Variants in KDM2B observed in about 807,000 individuals in gnomAD.
The protein encoded by KDM2B is lysine-specific demethylase 2B.
KDM2B carries 26 observed loss-of-function variants against 150.0 expected under a neutral mutation model. That is an observed-to-expected ratio of 0.17 (90% confidence interval 0.13 to 0.24). The LOEUF (loss-of-function observed/expected upper bound fraction) is 0.24. KDM2B is among the 10% of genes least tolerant of loss of function. The pLI, the probability that KDM2B is intolerant of heterozygous loss-of-function variation, is 1.00. For synonymous variants in KDM2B, 734 were observed against 729.5 expected, an observed-to-expected ratio of 1.01 and a Z score of -0.10; for missense variants, 1,265 against 1,816.9, an observed-to-expected ratio of 0.70 and a Z score of 5.52.
At chr12:121,563,021 A>G (rs567924931) in intron 4 of KDM2B, among the ~76,000 whole-genome samples, 9 of 152,352 alleles carry the variant, frequency 5.9e-5, no homozygotes, top group Non-Finnish European at 1.3e-4. Context: ...AATCCGATAA[A>G]GACATAATAT....
chr12:121,474,823 A>C (rs370734258), intron 12 of KDM2B, among the ~76,000 whole-genome samples: 24 of 152,260 alleles, frequency 1.6e-4, no homozygotes, highest in African/African-American at 5.8e-4. Flanking sequence ...GTGGTGGTGC[A>C]CATCTGCAGT....
chr12:121,498,296 G>A (rs1168431298), intron 11 of KDM2B, among the ~76,000 whole-genome samples: 1 of 152,016 alleles, frequency 6.6e-6, no homozygotes, highest in Non-Finnish European at 1.5e-5. Flanking sequence ...CAAACTCTAG[G>A]ATTGGGTAAC....
intron 12 of KDM2B, among the ~76,000 whole-genome samples, chr12:121,485,498 C>T (rs538943893): frequency 3.0e-4 from 45 of 152,224 alleles, no homozygotes; most frequent in African/African-American, 1.0e-3. Context: ...ACAGTCACTA[C>T]GCTAAACTGA....
chr12:121,541,443 G>A (rs1375251967), intron 6 of KDM2B, among the ~76,000 whole-genome samples: 2 of 142,134 alleles, frequency 1.4e-5, no homozygotes, highest in Non-Finnish European at 3.1e-5. Flanking sequence ...AGGAGGGAGG[G>A]AGGGAGGGAG....
chr12:121,568,819 GTTT>G (rs1192101508), intron 4 of KDM2B, among the ~76,000 whole-genome samples: 3 of 149,072 alleles, frequency 2.0e-5, no homozygotes, highest in Admixed American at 6.7e-5. Flanking sequence ...AATGAATGGG[GTTT>G]TTTTAAGGGT....
At chr12:121,433,299 T>G in intron 22 of KDM2B, 1 of 423,798 alleles carries the variant, frequency 2.4e-6, no homozygotes, top group South Asian at 1.7e-5. Flanking sequence ...CTGACAGATG[T>G]TTCCTGCTGG....
chr12:121,434,519 A>G (rs1303027217), intron 22 of KDM2B, among the ~76,000 whole-genome samples: 1 of 151,956 alleles, frequency 6.6e-6, no homozygotes, highest in African/African-American at 2.4e-5. Context: ...AAAAAAAAAA[A>G]AAGAATCAGG....
At chr12:121,503,738 G>T (rs1235496149) in intron 11 of KDM2B, among the ~76,000 whole-genome samples, 1 of 152,240 alleles carries the variant, frequency 6.6e-6, no homozygotes, top group African/African-American at 2.4e-5. Flanking sequence ...ACCTTTAGCT[G>T]CAACCTATGT....
chr12:121,462,781 CGCGCCCG>C (rs1879283907), intron 12 of KDM2B, among the ~76,000 whole-genome samples: 1 of 152,016 alleles, frequency 6.6e-6, no homozygotes, highest in Non-Finnish European at 1.5e-5. Flanking sequence ...CGTGAGCCAC[CGCGCCCG>C]GCTGGCAAAA....
rs1306118528 is a variant in KDM2B at position 121,537,891 on chromosome 12, G to A, written c.684-3301C>T. Among the ~76,000 whole-genome samples, 2 of 151,410 alleles carry A rather than the reference G, an allele frequency of 1.3e-5. No individual in the cohort carries two copies. The highest frequency in any genetic ancestry group is 6.6e-5 in the Admixed American group (1 of 15,198). On this transcript the variant is annotated intron_variant, in intron 6 of 22. Coordinates refer to ENST00000377071, the MANE Select transcript of KDM2B (RefSeq NM_032590.5). This position sits in a 1 kb window ranked among gnomAD's most constrained non-coding sequence, Gnocchi z 8.7. ...AGCGCCACAAAGGAGGGGGCGCCCG[G>A]GCAGCGCGGCCCGCGGTTACCCTCG...
chr12:121,581,324 G>C (rs1032482761), upstream of KDM2B: 1 of 165,318 alleles, frequency 6.0e-6, no homozygotes, highest in Non-Finnish European at 1.3e-5. Flanking sequence ...GGTGCTCTGG[G>C]ATAGGTGGGG....
At chr12:121,559,041 C>A (rs782518554) in intron 4 of KDM2B, among the ~76,000 whole-genome samples, 7 of 152,198 alleles carry the variant, frequency 4.6e-5, no homozygotes, top group Non-Finnish European at 8.8e-5. Flanking sequence ...CAGGCCAGGG[C>A]CAAGCCAGGG....
At chr12:121,414,593 T>C in the KDM2B span, among the ~76,000 whole-genome samples, 3 of 152,210 alleles carry the variant, frequency 2.0e-5, no homozygotes, top group Non-Finnish European at 4.4e-5. Flanking sequence ...CCTTGGAAGG[T>C]CATGATGGTT....
downstream of KDM2B, chr12:121,424,459 C>G (rs1872410352): frequency 6.6e-6 from 1 of 152,196 alleles, no homozygotes; most frequent in African/African-American, 2.4e-5. Flanking sequence ...GGGCCGGGTG[C>G]GGTGGCTCAC....
At chr12:121,443,954 C>T (rs1454665381) in intron 16 of KDM2B, 58 bp downstream of exon 16, 9 of 1,558,144 alleles carry the variant, frequency 5.8e-6, no homozygotes, top group Middle Eastern at 1.9e-4. Flanking sequence ...CCCTCCAACC[C>T]AGCACCCGGG....
chr12:121,535,892 G>A (rs1888048506), intron 6 of KDM2B: 1 of 195,292 alleles, frequency 5.1e-6, no homozygotes, highest in Non-Finnish European at 9.3e-6. Flanking sequence ...ACGGTGCCAG[G>A]GACCCCTCCC....
chr12:121,435,124 A>G (rs1873777671), intron 22 of KDM2B, among the ~76,000 whole-genome samples: 1 of 151,706 alleles, frequency 6.6e-6, no homozygotes, highest in East Asian at 1.9e-4. Flanking sequence ...ACTTGAGCCC[A>G]GGGGTTTGAG....
chr12:121,456,033 GC>G (rs1878182291), intron 12 of KDM2B, among the ~76,000 whole-genome samples: 1 of 152,226 alleles, frequency 6.6e-6, no homozygotes, highest in Non-Finnish European at 1.5e-5. Context: ...CCATCTGCGG[GC>G]ACCGTGGCCA....
intron 13 of KDM2B, among the ~76,000 whole-genome samples, chr12:121,448,155 C>CA (rs1468354859): frequency 6.6e-6 from 1 of 151,008 alleles, no homozygotes; most frequent in Non-Finnish European, 1.5e-5. Context: ...CCTGTCTTTA[C>CA]AAAAAAATAC....
Sources: gnomAD v4.1 joint callset for allele counts (sites outside exome capture counted in the v4.1 genomes callset) on GRCh38, gnomAD v4.1.1 for gene constraint, Gnocchi (gnomAD v3.1) non-coding constraint, MANE v1.5 for transcripts, NCBI Gene and HGNC (gene_info 2026-07-23, HGNC 2026-07-21) for gene names.